Variants in DLG5 observed in about 807,000 individuals in gnomAD.
DLG5 encodes discs large MAGUK scaffold protein 5.
DLG5 carries 48 observed loss-of-function variants against 189.8 expected under a neutral mutation model. The ratio of observed to expected loss-of-function variants is 0.25; its 90% CI spans 0.20 to 0.32. The LOEUF (loss-of-function observed/expected upper bound fraction) is 0.32. Ranked by LOEUF, DLG5 falls within the 10% of genes least tolerant of loss-of-function variation. DLG5 has a pLI of 1.00. For missense variants in DLG5, 2,160 were observed against 2,544.7 expected, an observed-to-expected ratio of 0.85 and a Z score of 3.25; for synonymous variants, 1,016 against 1,054.1, an observed-to-expected ratio of 0.96 and a Z score of 0.70.
intron 2 of DLG5, among the ~76,000 whole-genome samples, chr10:77,861,512 C>CTCAG (rs1844469119): frequency 2.6e-5 from 4 of 152,214 alleles, no homozygotes; most frequent in Admixed American, 2.6e-4. Flanking sequence ...CATCCCAACA[C>CTCAG]ACCCCATCTC....
chr10:77,822,022 C>T lies in DLG5; in HGVS notation c.2462G>A (p.Arg821Gln), dbSNP rs760938533. ...IKDSDKMLSF[R>Q]AHGPEVQAHN... ...AGCCTGGACCTCCGGGCCATGGGCT[C>T]GAAAACTCAGCATCTTATCAGAGTC... is the stretch of plus-strand genomic sequence containing the variant. Residue 821 changes from arginine to glutamine, a missense_variant, in exon 15 of 32, where the codon CGA becomes CAA. Coordinates refer to ENST00000372391, the MANE Select transcript of DLG5 (RefSeq NM_004747.4). The T allele has an allele frequency of 1.9e-6, 3 of 1,614,060 alleles. No individual in the cohort carries two copies. The highest frequency in any genetic ancestry group is 1.7e-5 in the Admixed American group (1 of 60,006).
At chr10:77,936,521 C>G in the DLG5 span, among the ~76,000 whole-genome samples, 1 of 149,460 alleles carries the variant, frequency 6.7e-6, no homozygotes, top group Non-Finnish European at 1.5e-5. Context: ...ATACCAAGGA[C>G]AAGGCAAGAT....
chr10:77,827,918 C>G (rs1314020553), intron 13 of DLG5, among the ~76,000 whole-genome samples: 1 of 152,034 alleles, frequency 6.6e-6, no homozygotes, highest in Non-Finnish European at 1.5e-5. Context: ...GGGCTGAGTG[C>G]TTATCTTCTA....
rs1231007711 is a variant in DLG5 at position 77,812,105 on chromosome 10, C to G, written c.4189-48G>C. ...TCAGTGGGGGGGTCGGGGCTGTGGA[C>G]AGGGAGGAGGCCCTGGGGACTTGGG... On this transcript the variant is annotated intron_variant, in intron 21 of 31. Coordinates refer to ENST00000372391, the MANE Select transcript of DLG5 (RefSeq NM_004747.4). 5 of 1,601,796 alleles carry G rather than the reference C, an allele frequency of 3.1e-6. No homozygotes were observed. In the South Asian group the frequency reaches 5.5e-5, roughly 18 times the overall value.
intron 20 of DLG5, among the ~76,000 whole-genome samples, chr10:77,815,654 T>G (rs1334017918): frequency 6.6e-6 from 1 of 151,984 alleles, no homozygotes; most frequent in Non-Finnish European, 1.5e-5. Flanking sequence ...AGAGCAAAAC[T>G]CTGTCTCAAA....
At chr10:77,884,173 G>C (rs1179962639) in intron 1 of DLG5, among the ~76,000 whole-genome samples, 6 of 152,210 alleles carry the variant, frequency 3.9e-5, no homozygotes, top group Non-Finnish European at 8.8e-5. Flanking sequence ...AGGGAGCCTG[G>C]AGGGGTTGGT....
At chr10:77,812,746 G>T (rs941980035) in intron 20 of DLG5, among the ~76,000 whole-genome samples, 2 of 152,262 alleles carry the variant, frequency 1.3e-5, no homozygotes, top group East Asian at 3.8e-4. Flanking sequence ...CCGAGGAAAA[G>T]AGATGGCTCC....
At chr10:77,886,491 T>C (rs558642065) in intron 1 of DLG5, among the ~76,000 whole-genome samples, 4 of 151,702 alleles carry the variant, frequency 2.6e-5, no homozygotes, top group Non-Finnish European at 4.4e-5. Flanking sequence ...GTAGCTGGGA[T>C]TACAGGCACA....
At chr10:77,908,749 C>A (rs1846137053) in intron 1 of DLG5, among the ~76,000 whole-genome samples, 1 of 152,100 alleles carries the variant, frequency 6.6e-6, no homozygotes, top group Admixed American at 6.6e-5. Context: ...CTACTAGATA[C>A]CCACTTGTTC....
chr10:77,898,868 C>T lies in DLG5; in HGVS notation c.304+27349G>A, dbSNP rs115632085. On this transcript the variant is annotated intron_variant, in intron 1 of 31. Coordinates refer to ENST00000372391, the MANE Select transcript of DLG5 (RefSeq NM_004747.4). ...AGGGAGGGCACTCACCCAAAGTCAC[C>T]CACGCCGGGACGGGGCAGCAATCCC... Among the ~76,000 whole-genome samples the T allele has an allele frequency of 3.5e-3, 532 of 152,310 alleles. 1 individual carries two copies. The highest frequency in any genetic ancestry group is 0.012 in the African/African-American group (494 of 41,568).
At chr10:77,917,143 T>A (rs1846382653) in intron 1 of DLG5, among the ~76,000 whole-genome samples, 1 of 151,712 alleles carries the variant, frequency 6.6e-6, no homozygotes, top group African/African-American at 2.4e-5. Flanking sequence ...AAGACCAGCC[T>A]GGGCAACATG....
At chr10:77,831,678 T>G (rs1842902522) in intron 9 of DLG5, among the ~76,000 whole-genome samples, 1 of 152,136 alleles carries the variant, frequency 6.6e-6, no homozygotes, top group Non-Finnish European at 1.5e-5. Flanking sequence ...GTGCATAAGT[T>G]AACAGAGGAA....
intron 1 of DLG5, among the ~76,000 whole-genome samples, chr10:77,904,471 G>A (rs1279115319): frequency 6.6e-6 from 1 of 152,158 alleles, no homozygotes; most frequent in Non-Finnish European, 1.5e-5. Context: ...GAATGATAAT[G>A]ATTTGGCTGT....
chr10:77,811,487 CTT>C (rs1841770019), intron 22 of DLG5, among the ~76,000 whole-genome samples: 1 of 152,146 alleles, frequency 6.6e-6, no homozygotes, highest in Admixed American at 6.5e-5. Context: ...CATCCTGTCT[CTT>C]TTCCTCTGCC....
intron 1 of DLG5, among the ~76,000 whole-genome samples, chr10:77,888,806 G>A (rs1845521404): frequency 1.3e-5 from 2 of 152,168 alleles, no homozygotes; most frequent in Non-Finnish European, 2.9e-5. Flanking sequence ...TATTTTCCAA[G>A]CTCTTTTAAG....
chr10:77,833,448 C>T (rs1166681868), intron 9 of DLG5, among the ~76,000 whole-genome samples: 1 of 152,222 alleles, frequency 6.6e-6, no homozygotes, highest in East Asian at 1.9e-4. Context: ...ACTGTGAGCC[C>T]ATGAGGAAAG....
chr10:77,852,852 T>A (rs891018613), intron 5 of DLG5, among the ~76,000 whole-genome samples: 1 of 152,250 alleles, frequency 6.6e-6, no homozygotes, highest in East Asian at 1.9e-4. Flanking sequence ...AATACAGATA[T>A]ACATATGTGT....
At chr10:77,935,367 A>G in the DLG5 span, among the ~76,000 whole-genome samples, 1 of 152,012 alleles carries the variant, frequency 6.6e-6, no homozygotes, top group Non-Finnish European at 1.5e-5. Context: ...ATGGAAACCT[A>G]CCCTTCCACC....
intron 9 of DLG5, 52 bp downstream of exon 9, chr10:77,833,861 GC>G: frequency 1.3e-6 from 2 of 1,591,890 alleles, no homozygotes; most frequent in Admixed American, 1.7e-5. Flanking sequence ...AGGGAGAGGG[GC>G]CCCAGGCTCC....
Sources: gnomAD v4.1 joint callset for allele counts (sites outside exome capture counted in the v4.1 genomes callset) on GRCh38, gnomAD v4.1.1 for gene constraint, MANE v1.5 for transcripts, NCBI Gene and HGNC (gene_info 2026-07-23, HGNC 2026-07-21) for gene names.